Variants in NRM observed in about 807,000 individuals in gnomAD.
NRM encodes the protein nuclear rim protein.
In NRM, 19 loss-of-function variants were observed where a neutral mutation model predicts 23.4. The observed-to-expected ratio is 0.81, with a 90% confidence interval of 0.57 to 1.19. The LOEUF is 1.19. NRM is among the 50% of genes most tolerant of loss of function. The pLI is 0.00. For missense variants in NRM, 232 were observed against 329.7 expected (o/e 0.70, Z 2.30); for synonymous variants, 140 against 143.5 (o/e 0.98, Z 0.17).
At chr6:30,691,096 C>A (rs1771612444), upstream of NRM, 1 of 1,181,520 alleles carries the variant, frequency 8.5e-7, no homozygotes, top group Middle Eastern at 3.0e-4. Flanking sequence ...CACGCCACCG[C>A]CAGGCTTCCG....
rs774148280 is a variant in NRM, at chr6:30,688,343, G to A, written c.*318C>T. On this transcript the variant is annotated 3_prime_UTR_variant, in exon 4 of 4. Coordinates refer to ENST00000376421, the MANE Select transcript of NRM (RefSeq NM_001384369.1). This position sits in a 1 kb window ranked among gnomAD's most constrained non-coding sequence, Gnocchi z 5.9. ...GCAGAGGCAAGTAACAGTGCCAGGG[G>A]AGTGGTCAGGGCAGATCCTTTCCTT... The A allele has an allele frequency of 5.0e-6, 2 of 401,354 alleles. No homozygotes were observed. The highest frequency in any genetic ancestry group is 9.0e-6 in the Non-Finnish European group (2 of 221,142). 24.9% of individuals were successfully genotyped at this position (401,354 alleles called of 1,614,324 possible).
rs1157126421 is a variant in NRM at position 30,690,032 on chromosome 6, G to C, written c.330+15C>G. ...ACTGCCAGGATTTCATACCTGCAAG[G>C]CCAGGGCCTCATACCTGCAAGGCCA... On this transcript the variant is annotated intron_variant, in intron 2 of 3. Coordinates refer to ENST00000376421, the MANE Select transcript of NRM (RefSeq NM_001384369.1). The surrounding 1 kb of genome is among the most constrained non-coding windows in gnomAD (Gnocchi z 5.5). 1.3e-6 allele frequency: 2 copies of C among 1,596,048 alleles called. No homozygotes were observed. The highest frequency in any genetic ancestry group is 1.7e-6 in the Non-Finnish European group (2 of 1,174,824).
rs887314256 is a variant in NRM at position 30,690,810 on chromosome 6, C to T, written c.133+32G>A. 1 of 1,612,862 alleles carries T rather than the reference C, an allele frequency of 6.2e-7. No homozygotes were observed. The highest frequency in any genetic ancestry group is 1.3e-5 in the African/African-American group (1 of 74,928). On this transcript the variant is annotated intron_variant, in intron 1 of 3. Transcript: ENST00000376421. This position sits in a 1 kb window ranked among gnomAD's most constrained non-coding sequence, Gnocchi z 5.5. Reference sequence around the variant, plus strand: ...CCTCTCCTACGGCTCCACCTTCCTCCTCCCAGTTCATCCTCGATCCCTCCC... The same window carrying T: ...CCTCTCCTACGGCTCCACCTTCCTCTTCCCAGTTCATCCTCGATCCCTCCC...
At chr6:30,691,064 G>GC (rs1771607345), upstream of NRM, 1 of 1,437,180 alleles carries the variant, frequency 7.0e-7, no homozygotes, top group East Asian at 2.5e-5. Flanking sequence ...GCTGAATCCA[G>GC]CCCAGGAGGG....
chr6:30,690,535 A>G lies in NRM; in HGVS notation c.134-292T>C, dbSNP rs73422030. The stretch of plus-strand genomic sequence containing the variant: ...ATTGCCCCTCTTACTTCGGTTCTCC[A>G]AATGCTCCTTCTTTTTAACACTCTC... On this transcript the variant is annotated intron_variant, in intron 1 of 3. Coordinates refer to ENST00000376421, the MANE Select transcript of NRM (RefSeq NM_001384369.1). The surrounding 1 kb of genome is among the most constrained non-coding windows in gnomAD (Gnocchi z 5.5). The G allele has an allele frequency of 0.017, 25,941 of 1,538,932 alleles. 490 individuals carry two copies. The highest frequency in any genetic ancestry group is 0.089 in the African/African-American group (6,514 of 72,834).
chr6:30,691,183 C>T (rs1032341707), upstream of NRM: 11 of 549,266 alleles, frequency 2.0e-5, no homozygotes, highest in African/African-American at 3.8e-5. Context: ...GTCTCTCCGT[C>T]ACAGAAGGGA....
rs1771399073 is a variant in NRM, at chr6:30,689,775, A to T, written c.330+272T>A. On this transcript the variant is annotated intron_variant, in intron 2 of 3. Transcript: ENST00000376421. The surrounding 1 kb of genome is among the most constrained non-coding windows in gnomAD (Gnocchi z 4.7). ...AGACCTAGGGAAGTGGTTTTGAAGAAAGGGTAGGACTGAAGAGAAGGGATC... is the reference window on the plus strand; with the variant it reads ...AGACCTAGGGAAGTGGTTTTGAAGATAGGGTAGGACTGAAGAGAAGGGATC... 6.6e-6 allele frequency among the ~76,000 whole-genome samples: 1 copy of T among 152,174 alleles called. No homozygotes were observed. Among genetic ancestry groups the T allele is most frequent in the Non-Finnish European group, 1.5e-5 (1 of 68,030 alleles).
rs748796766 is a variant in NRM at position 30,688,896 on chromosome 6, G to A, written c.554C>T (p.Ser185Phe). ...GGAGAAGAGTCTGAGAGCCCGGGGA[G>A]ACTTCAGGGCCAGAGGCTCGCCCAG... ...LGLGEPLALKSPRALRLFSHL... is the reference protein window; with the variant it reads ...LGLGEPLALKFPRALRLFSHL... Residue 185 changes from serine (S) to phenylalanine (F), a missense_variant, in exon 4 of 4, where the codon TCT becomes TTT. Coordinates refer to ENST00000376421, the MANE Select transcript of NRM (RefSeq NM_001384369.1). The surrounding 1 kb of genome is among the most constrained non-coding windows in gnomAD (Gnocchi z 5.9). 1 of 1,613,736 alleles carries A rather than the reference G, an allele frequency of 6.2e-7. No homozygotes were observed. The highest frequency in any genetic ancestry group is 2.2e-5 in the East Asian group (1 of 44,850).
chr6:30,690,018 TTCATACCTGCAAGGCCAGGGCC>T lies in NRM; in HGVS notation c.330+7_330+28del, dbSNP rs751332542. ...CCCTTGGGGACTCAACTGCCAGGAT[TTCATACCTGCAAGGCCAGGGCC>T]TCATACCTGCAAGGCCAGGGCAGTG... is the stretch of plus-strand genomic sequence containing the variant. On this transcript the variant is annotated splice_region_variant and intron_variant, in intron 2 of 3. Transcript: ENST00000376421. This position sits in a 1 kb window ranked among gnomAD's most constrained non-coding sequence, Gnocchi z 5.5. 14 of 1,583,944 alleles carry T rather than the reference TTCATACCTGCAAGGCCAGGGCC, an allele frequency of 8.8e-6. No homozygotes were observed. Among genetic ancestry groups the T allele is most frequent in the Admixed American group, 5.8e-5 (3 of 51,322 alleles).
chr6:30,689,526 GC>G lies in NRM; in HGVS notation c.331-75del. On this transcript the variant is annotated intron_variant, in intron 2 of 3. Transcript: ENST00000376421. The surrounding 1 kb of genome is among the most constrained non-coding windows in gnomAD (Gnocchi z 4.7). Reference sequence around the variant, plus strand: ...CCTTGGGAGACCCAGACCCAGATCTGCCCCCACCACAGGCTAGCCTGCAACT... The same window carrying G: ...CCTTGGGAGACCCAGACCCAGATCTGCCCCACCACAGGCTAGCCTGCAACT... 7.1e-7 allele frequency: 1 copy of G among 1,413,926 alleles called. No homozygotes were observed. The highest frequency in any genetic ancestry group is 1.4e-5 in the African/African-American group (1 of 69,020). The allele number at this position is 1,413,926 out of a possible 1,614,324, so 87.6% of individuals were successfully genotyped here.
chr6:30,690,553 A>G lies in NRM; in HGVS notation c.133+289T>C. On this transcript the variant is annotated intron_variant, in intron 1 of 3. Transcript: ENST00000376421. The surrounding 1 kb of genome is among the most constrained non-coding windows in gnomAD (Gnocchi z 5.5). ...GTTCTCCAAATGCTCCTTCTTTTTA[A>G]CACTCTCCTCTCAACAGTCCTCTCT... The G allele has an allele frequency of 6.5e-7, 1 of 1,539,262 alleles. No homozygotes were observed. The highest frequency in any genetic ancestry group is 8.8e-7 in the Non-Finnish European group (1 of 1,140,036).
In NRM at chr6:30,689,889, G is replaced by T. The variant is rs891443024; in HGVS notation, c.330+158C>A. 6.1e-6 allele frequency: 4 copies of T among 651,338 alleles called. 1 individual carries two copies. Among genetic ancestry groups the T allele is most frequent in the Middle Eastern group, 8.5e-4 (2 of 2,362 alleles). The allele number at this position is 651,338 out of a possible 1,614,324, so 40.3% of individuals were successfully genotyped here. ...GTACACCCTTCTTGATAAAAAGTAG[G>T]ATATGTGCTGTGGAGGAATGGAAGC... is the stretch of plus-strand genomic sequence containing the variant. On this transcript the variant is annotated intron_variant, in intron 2 of 3. Transcript: ENST00000376421. This position sits in a 1 kb window ranked among gnomAD's most constrained non-coding sequence, Gnocchi z 4.7.
rs2127622032 is a variant in NRM, at chr6:30,688,989, A to T, written c.508-47T>A. On this transcript the variant is annotated intron_variant, in intron 3 of 3. Transcript: ENST00000376421. The surrounding 1 kb of genome is among the most constrained non-coding windows in gnomAD (Gnocchi z 5.9). ...AGAAATGGAGTCAAGCCCTTTTCTC[A>T]TCTTGGGCACTTCTTTCCTCCTCTT... 1.3e-6 allele frequency: 2 copies of T among 1,565,162 alleles called. No homozygotes were observed. The highest frequency in any genetic ancestry group is 4.5e-5 in the East Asian group (2 of 44,046).
In NRM at chr6:30,688,855, C is replaced by G. The variant is rs1346815634; in HGVS notation, c.595G>C (p.Val199Leu). The G allele has an allele frequency of 6.2e-7, 1 of 1,613,862 alleles. No homozygotes were observed. The highest frequency in any genetic ancestry group is 8.5e-7 in the Non-Finnish European group (1 of 1,179,980). The change falls in exon 4 of 4, where the codon GTG (valine) becomes CTG (leucine). Residue 199 changes from valine (V) to leucine (L), a missense_variant. Transcript: ENST00000376421. The surrounding 1 kb of genome is among the most constrained non-coding windows in gnomAD (Gnocchi z 5.9). ...LRLFSHLRHPVCVELLTVLWV... is the reference protein window; with the variant it reads ...LRLFSHLRHPLCVELLTVLWV... ...AGCACTGTCAGCAGCTCCACACACA[C>G]TGGGTGGCGCAGGTGGGAGAAGAGT... is the stretch of plus-strand genomic sequence containing the variant.
chr6:30,691,055 C>G, upstream of NRM: 1 of 1,501,324 alleles, frequency 6.7e-7, no homozygotes, highest in East Asian at 2.5e-5. Flanking sequence ...CCGCCCCCGG[C>G]TGAATCCAGC....
Position 30,689,827 on chromosome 6 carries a change from G to C in NRM, c.330+220C>G, listed in dbSNP as rs146855571. Among the ~76,000 whole-genome samples, 7 of 152,278 alleles carry C rather than the reference G, an allele frequency of 4.6e-5. No individual in the cohort carries two copies. Among genetic ancestry groups the C allele is most frequent in the African/African-American group, 1.7e-4 (7 of 41,554 alleles). ...CAAGCAGGACATAAACAAAGTTGCAGAGGTGAGAAGCATATCTTGTGCTTA... is the reference window on the plus strand; with the variant it reads ...CAAGCAGGACATAAACAAAGTTGCACAGGTGAGAAGCATATCTTGTGCTTA... On this transcript the variant is annotated intron_variant, in intron 2 of 3. Coordinates refer to ENST00000376421, the MANE Select transcript of NRM (RefSeq NM_001384369.1). The surrounding 1 kb of genome is among the most constrained non-coding windows in gnomAD (Gnocchi z 4.7).
upstream of NRM, chr6:30,691,111 G>C: frequency 1.1e-6 from 1 of 930,322 alleles, no homozygotes; most frequent in Non-Finnish European, 1.6e-6. Flanking sequence ...CTTCCGGCCC[G>C]CCTGGCGCAG....
rs1771468628 is a variant in NRM at position 30,690,261 on chromosome 6, A to G, written c.134-18T>C. ...GCGGGCATCTACAGGAAGTTGAGGGAAAAAGAGACAAAAGATCGAAACAGT... is the reference window on the plus strand; with the variant it reads ...GCGGGCATCTACAGGAAGTTGAGGGGAAAAGAGACAAAAGATCGAAACAGT... On this transcript the variant is annotated intron_variant, in intron 1 of 3. Coordinates refer to ENST00000376421, the MANE Select transcript of NRM (RefSeq NM_001384369.1). The surrounding 1 kb of genome is among the most constrained non-coding windows in gnomAD (Gnocchi z 5.5). 6.4e-7 allele frequency: 1 copy of G among 1,553,766 alleles called. No homozygotes were observed. Among genetic ancestry groups the G allele is most frequent in the South Asian group, 1.2e-5 (1 of 83,186 alleles).
In NRM at chr6:30,690,390, A is replaced by G; in HGVS notation, c.134-147T>C. The G allele has an allele frequency of 1.9e-6, 2 of 1,049,872 alleles. No homozygotes were observed. The highest frequency in any genetic ancestry group is 2.7e-6 in the Non-Finnish European group (2 of 740,688). The allele number at this position is 1,049,872 out of a possible 1,614,324, so 65.0% of individuals were successfully genotyped here. On this transcript the variant is annotated intron_variant, in intron 1 of 3. Transcript: ENST00000376421. This position sits in a 1 kb window ranked among gnomAD's most constrained non-coding sequence, Gnocchi z 5.5. ...TTCCTCTCTAGGCTGTGCCCATCTC[A>G]CTTTTCCATCCCTAGTTTCTGCCCT... is the stretch of plus-strand genomic sequence containing the variant.
Sources: allele counts gnomAD v4.1 joint callset (sites outside exome capture counted in the v4.1 genomes callset), GRCh38; gene constraint gnomAD v4.1.1; non-coding constraint Gnocchi (gnomAD v3.1); transcripts MANE v1.5; gene names NCBI Gene and HGNC (gene_info 2026-07-23, HGNC 2026-07-21).